The following SGCZ variants were observed in gnomAD, a reference collection of about 807,000 sequenced individuals.
SGCZ encodes the protein zeta-sarcoglycan.
A neutral mutation model predicts 41.3 loss-of-function variants in SGCZ; 40 were observed. The observed-to-expected ratio is 0.97, with a 90% CI of 0.75 to 1.26. The LOEUF (loss-of-function observed/expected upper bound fraction) is 1.26, where lower values mean the gene tolerates loss of function less well. Ranked by LOEUF, SGCZ falls within the 50% of genes most tolerant of loss-of-function variation. The pLI is 0.00. For missense variants in SGCZ, 552 were observed against 369.8 expected (o/e 1.49, Z -4.04); for synonymous variants, 206 against 137.5 (o/e 1.50, Z -3.49).
intron 2 of SGCZ, among the ~76,000 whole-genome samples, chr8:14,520,849 CAG>C (rs1802767286): frequency 6.6e-6 from 1 of 152,022 alleles, no homozygotes; most frequent in Admixed American, 6.6e-5. Context: ...TCTCTAATAA[CAG>C]TGCACATTTT....
At chr8:15,024,180 A>T (rs1803361861) in intron 1 of SGCZ, among the ~76,000 whole-genome samples, 1 of 152,208 alleles carries the variant, frequency 6.6e-6, no homozygotes, top group South Asian at 2.1e-4. Context: ...CTTTGCAGAT[A>T]ACCAGGCACC....
At position 14,691,603 on chromosome 8, in the gene SGCZ, T is replaced by A. The variant is rs536378912; in HGVS notation, c.40-136677A>T. On this transcript the variant is annotated intron_variant, in intron 1 of 7. Coordinates refer to ENST00000382080, the MANE Select transcript of SGCZ (RefSeq NM_139167.4). ...CAGCTAATCCTAAATATTACTGATA[T>A]GAATAATGTCACCTAAAAAAAAAGG... 5.3e-5 allele frequency among the ~76,000 whole-genome samples: 8 copies of A among 152,102 alleles called. No individual in the cohort carries two copies. In the South Asian group the frequency reaches 1.0e-3, roughly 20 times the overall value.
intron 1 of SGCZ, among the ~76,000 whole-genome samples, chr8:14,975,168 T>G (rs755326858): frequency 6.6e-6 from 1 of 152,070 alleles, no homozygotes; most frequent in Non-Finnish European, 1.5e-5. Flanking sequence ...TAGCCAGGTG[T>G]GGTGGCGGCT....
intron 1 of SGCZ, among the ~76,000 whole-genome samples, chr8:15,211,406 C>T (rs1172153088): frequency 6.6e-6 from 1 of 152,038 alleles, no homozygotes; most frequent in African/African-American, 2.4e-5. Flanking sequence ...TTCTCATTGT[C>T]CATACAACTA....
chr8:14,776,518 C>CTTTTTTTTTTTTTTTT (rs35602866), intron 1 of SGCZ, among the ~76,000 whole-genome samples: 21 of 116,614 alleles, frequency 1.8e-4, no homozygotes, highest in Non-Finnish European at 2.9e-4. Flanking sequence ...TTTTCTTTTT[C>CTTTTTTTTTTTTTTTT]TTTTTTTTTT....
rs544363337 is a variant in SGCZ at position 14,560,213 on chromosome 8, A to T, written c.40-5287T>A. On this transcript the variant is annotated intron_variant, in intron 1 of 7. Transcript: ENST00000382080. Reference sequence around the variant, plus strand: ...AAAGAGCTAGGAGAGAAGACTTGTAATGTTCCCAACACAGATAAAAGATAA... The same window carrying T: ...AAAGAGCTAGGAGAGAAGACTTGTATTGTTCCCAACACAGATAAAAGATAA... Among the ~76,000 whole-genome samples the T allele has an allele frequency of 8.5e-5, 13 of 152,198 alleles. 1 individual carries two copies. The Middle Eastern group carries it at 0.014, about 159-fold the overall frequency.
chr8:14,286,730 G>A (rs1800646729), intron 3 of SGCZ, among the ~76,000 whole-genome samples: 1 of 151,972 alleles, frequency 6.6e-6, no homozygotes, highest in South Asian at 2.1e-4. Context: ...ATTATTCACT[G>A]TATTCTTAGG....
chr8:14,623,223 A>C (rs1397283), intron 1 of SGCZ, among the ~76,000 whole-genome samples: 58,765 of 152,128 alleles, frequency 0.39, 11,753 homozygotes, highest in East Asian at 0.71. Context: ...ATGCAAAGAA[A>C]AGTTAGAAAT....
At chr8:15,166,824 G>C (rs1799679181) in intron 1 of SGCZ, among the ~76,000 whole-genome samples, 2 of 152,122 alleles carry the variant, frequency 1.3e-5, no homozygotes, top group African/African-American at 4.8e-5. Flanking sequence ...AACATTAACA[G>C]GTGCTCTCAA....
intron 2 of SGCZ, among the ~76,000 whole-genome samples, chr8:14,396,314 C>T (rs998917167): frequency 6.6e-6 from 1 of 151,810 alleles, no homozygotes; most frequent in Non-Finnish European, 1.5e-5. Flanking sequence ...GTAATATTTC[C>T]CTTTATTGTT....
intron 3 of SGCZ, among the ~76,000 whole-genome samples, chr8:14,267,710 G>T (rs1250459265): frequency 6.6e-6 from 1 of 151,950 alleles, no homozygotes; most frequent in Non-Finnish European, 1.5e-5. Context: ...ATCTCTTTGG[G>T]ATCTTGGTCC....
At chr8:14,511,120 C>A (rs567565113) in intron 2 of SGCZ, among the ~76,000 whole-genome samples, 6 of 150,876 alleles carry the variant, frequency 4.0e-5, no homozygotes, top group African/African-American at 1.5e-4. Context: ...CTGTCAAGTA[C>A]CCTTACTTGA....
chr8:14,636,684 GA>G (rs976475948), intron 1 of SGCZ, among the ~76,000 whole-genome samples: 1 of 151,746 alleles, frequency 6.6e-6, no homozygotes, highest in Non-Finnish European at 1.5e-5. Flanking sequence ...GCTCAGGAAG[GA>G]AGGCATATAT....
At chr8:14,462,783 G>A (rs895892328) in intron 2 of SGCZ, among the ~76,000 whole-genome samples, 10 of 151,842 alleles carry the variant, frequency 6.6e-5, no homozygotes, top group African/African-American at 1.7e-4. Context: ...GATAAGGATC[G>A]CATTGAATCT....
chr8:14,623,537 T>C (rs1360511497), intron 1 of SGCZ, among the ~76,000 whole-genome samples: 1 of 152,170 alleles, frequency 6.6e-6, no homozygotes, highest in Non-Finnish European at 1.5e-5. Context: ...CTTCATGTGT[T>C]TGTAGGCAGA....
intron 1 of SGCZ, among the ~76,000 whole-genome samples, chr8:14,990,909 C>G (rs992306580): frequency 6.6e-6 from 1 of 152,038 alleles, no homozygotes; most frequent in Non-Finnish European, 1.5e-5. Flanking sequence ...TACTCCCAAC[C>G]CAGTCCCAGT....
At chr8:15,195,081 T>C (rs1029619967) in intron 1 of SGCZ, among the ~76,000 whole-genome samples, 6 of 151,928 alleles carry the variant, frequency 3.9e-5, no homozygotes, top group African/African-American at 1.2e-4. Context: ...AGTGAGGTTC[T>C]TAAATCAAGA....
intron 1 of SGCZ, among the ~76,000 whole-genome samples, chr8:14,666,773 G>A (rs533375356): frequency 1.3e-5 from 2 of 151,564 alleles, no homozygotes; most frequent in East Asian, 1.9e-4. Flanking sequence ...ATTATTTTAC[G>A]CTGCTTGAGA....
chr8:14,878,226 T>C (rs1804442254), intron 1 of SGCZ, among the ~76,000 whole-genome samples: 1 of 151,492 alleles, frequency 6.6e-6, no homozygotes, highest in Non-Finnish European at 1.5e-5. Context: ...TTTGGCTTAG[T>C]GCTAACACAT....
Sources: gnomAD v4.1 joint callset for allele counts (sites outside exome capture counted in the v4.1 genomes callset) on GRCh38, gnomAD v4.1.1 for gene constraint, MANE v1.5 for transcripts, NCBI Gene and HGNC (gene_info 2026-07-23, HGNC 2026-07-21) for gene names.